Variants in BEND7 observed in about 807,000 individuals in gnomAD.
BEND7 encodes BEN domain containing 7.
BEND7 carries 28 observed loss-of-function variants against 50.9 expected under a neutral mutation model. The ratio of observed to expected loss-of-function variants is 0.55; its 90% confidence interval spans 0.41 to 0.75. BEND7 has a LOEUF of 0.75. BEND7 is among the 30% of genes least tolerant of loss of function. BEND7 has a pLI of 0.00. For missense variants in BEND7, 477 were observed against 491.3 expected, an observed-to-expected ratio of 0.97 and a Z score of 0.28; for synonymous variants, 170 against 183.9, an observed-to-expected ratio of 0.92 and a Z score of 0.61.
At chr10:13,440,014 C>T (rs141634869), downstream of BEND7, among the ~76,000 whole-genome samples, 39 of 152,294 alleles carry the variant, frequency 2.6e-4, no homozygotes, top group Middle Eastern at 3.4e-3. Context: ...CAGCTGAACT[C>T]GGGTGCTGCT....
intron 6 of BEND7, among the ~76,000 whole-genome samples, chr10:13,473,562 T>TAGACTC (rs10635572): frequency 0.67 from 98,273 of 146,858 alleles, 32,978 homozygotes; most frequent in East Asian, 0.86. Context: ...TCATCACTGT[T>TAGACTC]AGGGCCAATA....
At chr10:13,473,475 C>T (rs891782491) in intron 6 of BEND7, among the ~76,000 whole-genome samples, 4 of 147,084 alleles carry the variant, frequency 2.7e-5, no homozygotes, top group Admixed American at 2.1e-4. Flanking sequence ...CTGTTAGACT[C>T]GGGGTTGATA....
intron 3 of BEND7, 183 bp from the exon 4 acceptor site, chr10:13,497,071 A>T (rs888034976): frequency 1.4e-6 from 1 of 738,778 alleles, no homozygotes; most frequent in African/African-American, 1.8e-5. Context: ...TGGGGGTCTG[A>T]CTTTATCTAA....
chr10:13,472,797 G>A (rs997675997), intron 6 of BEND7, among the ~76,000 whole-genome samples: 2 of 151,418 alleles, frequency 1.3e-5, no homozygotes, highest in East Asian at 1.9e-4. Flanking sequence ...TCTTAGACTC[G>A]GGGTTGATAC....
chr10:13,505,613 C>G (rs1046558279), intron 2 of BEND7, among the ~76,000 whole-genome samples: 1 of 152,152 alleles, frequency 6.6e-6, no homozygotes, highest in East Asian at 1.9e-4. Context: ...GCCCACAGTC[C>G]GACCCCTGAC....
chr10:13,504,391 G>T (rs1373773989), intron 2 of BEND7, among the ~76,000 whole-genome samples: 2 of 152,184 alleles, frequency 1.3e-5, no homozygotes, highest in African/African-American at 4.8e-5. Flanking sequence ...TAGTCCAGGA[G>T]GGGCACAGGA....
rs552055032 is a variant in BEND7 at position 13,510,882 on chromosome 10, AC to A, written c.146-10803del. On this transcript the variant is annotated intron_variant, in intron 2 of 8. Coordinates refer to ENST00000466271, the MANE Select transcript of BEND7 (RefSeq NM_001369863.1). The stretch of plus-strand genomic sequence containing the variant: ...AGTGTGATTGGATTTAAAAAAAAAA[AC>A]AAACTAGTCAAGGGCCGGGCACAGT... Among the ~76,000 whole-genome samples the A allele has an allele frequency of 7.2e-4, 110 of 152,240 alleles. 1 individual carries two copies. Among genetic ancestry groups the A allele is most frequent in the East Asian group, 3.5e-3 (18 of 5,184 alleles).
At chr10:13,463,837 C>T (rs1411142149) in intron 6 of BEND7, among the ~76,000 whole-genome samples, 1 of 152,126 alleles carries the variant, frequency 6.6e-6, no homozygotes, top group African/African-American at 2.4e-5. Context: ...GACAAAAAAA[C>T]TCCAGTAAGT....
At chr10:13,499,724 T>TAGAAC (rs1564372992) in intron 3 of BEND7, 54 bp downstream of exon 3, 7 of 1,452,554 alleles carry the variant, frequency 4.8e-6, no homozygotes, top group African/African-American at 1.4e-5. Context: ...TATTTAGAAA[T>TAGAAC]AGAACAGTAC....
chr10:13,451,901 C>T (rs1241569234), intron 7 of BEND7, among the ~76,000 whole-genome samples: 1 of 152,026 alleles, frequency 6.6e-6, no homozygotes, highest in East Asian at 1.9e-4. Context: ...AAGCTGACTA[C>T]ACAGGGATTC....
chr10:13,481,428 C>T (rs1826115845), intron 5 of BEND7, among the ~76,000 whole-genome samples: 1 of 152,116 alleles, frequency 6.6e-6, no homozygotes, highest in Non-Finnish European at 1.5e-5. Flanking sequence ...GGAGTTGAGA[C>T]TTCTGGATGA....
chr10:13,515,858 G>C (rs1211093650), intron 2 of BEND7, among the ~76,000 whole-genome samples: 1 of 152,224 alleles, frequency 6.6e-6, no homozygotes, highest in Non-Finnish European at 1.5e-5. Flanking sequence ...CCATGCTGTA[G>C]CTTACATTCA....
At chr10:13,502,159 C>T (rs1044729685) in intron 2 of BEND7, among the ~76,000 whole-genome samples, 1 of 152,040 alleles carries the variant, frequency 6.6e-6, no homozygotes, top group African/African-American at 2.4e-5. Flanking sequence ...CCGTTTTGTG[C>T]TTTCCAGTTA....
At position 13,441,166 on chromosome 10, in the gene BEND7, T is replaced by C; in HGVS notation, c.*577A>G. The C allele has an allele frequency of 1.0e-6, 1 of 982,222 alleles. No individual in the cohort carries two copies. Among genetic ancestry groups the C allele is most frequent in the Non-Finnish European group, 1.2e-6 (1 of 826,990 alleles). 60.8% of individuals were successfully genotyped at this position (982,222 alleles called of 1,614,324 possible). ...GGGAATTGATACCACAACACAATGTTATACACCATTTTCACAACCAGGCTT... is the reference window on the plus strand; with the variant it reads ...GGGAATTGATACCACAACACAATGTCATACACCATTTTCACAACCAGGCTT... On this transcript the variant is annotated 3_prime_UTR_variant, in exon 9 of 9. Coordinates refer to ENST00000466271, the MANE Select transcript of BEND7 (RefSeq NM_001369863.1).
intron 5 of BEND7, among the ~76,000 whole-genome samples, chr10:13,484,122 G>C (rs1277917803): frequency 6.6e-6 from 1 of 152,214 alleles, no homozygotes; most frequent in Non-Finnish European, 1.5e-5. Flanking sequence ...GAAGTAGTCT[G>C]ATTAGTGGAG....
At chr10:13,500,746 T>C (rs1046367181) in intron 2 of BEND7, 1 of 985,360 alleles carries the variant, frequency 1.0e-6, no homozygotes, top group African/African-American at 1.7e-5. Context: ...CGAGGGGGTT[T>C]TGTCTTTCTG....
chr10:13,456,388 A>C (rs1294385912), intron 6 of BEND7, among the ~76,000 whole-genome samples: 1 of 152,190 alleles, frequency 6.6e-6, no homozygotes, highest in Non-Finnish European at 1.5e-5. Context: ...AGGTCCATCC[A>C]CTACATAGGC....
chr10:13,482,763 T>G (rs576946173), intron 5 of BEND7, among the ~76,000 whole-genome samples: 1 of 152,362 alleles, frequency 6.6e-6, no homozygotes, highest in Admixed American at 6.5e-5. Context: ...CCTTAACTTC[T>G]GCATCTTGCT....
intron 3 of BEND7, among the ~76,000 whole-genome samples, chr10:13,499,297 C>T (rs984568151): frequency 7.2e-5 from 11 of 152,150 alleles, no homozygotes; most frequent in East Asian, 1.9e-4. Context: ...TCAGTACTGA[C>T]GTGGGATGCT....
Sources: allele counts gnomAD v4.1 joint callset (sites outside exome capture counted in the v4.1 genomes callset), GRCh38; gene constraint gnomAD v4.1.1; transcripts MANE v1.5; gene names NCBI Gene and HGNC (gene_info 2026-07-23, HGNC 2026-07-21).